DNAJC13: variants seen among roughly 807,000 people sequenced by gnomAD.
DNAJC13 encodes the protein dnaJ homolog subfamily C member 13.
Under a neutral mutation model 290.5 loss-of-function variants are expected in DNAJC13, and 75 were observed. The observed-to-expected ratio is 0.26, with a 90% CI of 0.21 to 0.31. DNAJC13 has a LOEUF of 0.31. Among genes scored for constraint, DNAJC13 ranks in the 10% least tolerant of loss-of-function variants. The probability of loss-of-function intolerance (pLI) is 1.00; values close to 1 mark genes in which losing one functional copy is unlikely to be tolerated. For synonymous variants in DNAJC13, 862 were observed against 892.0 expected, an observed-to-expected ratio of 0.97 and a Z score of 0.60; for missense variants, 2,260 against 2,674.5, an observed-to-expected ratio of 0.85 and a Z score of 3.42.
intron 55 of DNAJC13, among the ~76,000 whole-genome samples, chr3:132,537,845 A>G (rs1936642785): frequency 6.6e-6 from 1 of 152,064 alleles, no homozygotes; most frequent in Non-Finnish European, 1.5e-5. Flanking sequence ...GTCTGTTTCC[A>G]TTTTTTCCAT....
At chr3:132,455,852 A>G (rs1933580630) in intron 9 of DNAJC13, among the ~76,000 whole-genome samples, 1 of 152,178 alleles carries the variant, frequency 6.6e-6, no homozygotes, top group Admixed American at 6.5e-5. Context: ...GCACAAGGAA[A>G]TTTTTTGGAG....
At chr3:132,483,879 T>C (rs1934766841) in intron 28 of DNAJC13, among the ~76,000 whole-genome samples, 1 of 152,232 alleles carries the variant, frequency 6.6e-6, no homozygotes, top group Non-Finnish European at 1.5e-5. Flanking sequence ...CTGCAGTCCA[T>C]AGACAGTGGT....
Position 132,460,247 on chromosome 3 carries a change from T to A in DNAJC13, c.1450-3T>A. ...ATCACTGTTTTTTTTTTTTCATCAA[T>A]AGCCCATGCATGATGACTATGACTT... On this transcript the variant is annotated splice_region_variant and splice_polypyrimidine_tract_variant and intron_variant, in intron 13 of 55. Transcript: ENST00000260818. 6.5e-7 allele frequency: 1 copy of A among 1,544,024 alleles called. No homozygotes were observed. The highest frequency in any genetic ancestry group is 1.4e-5 in the African/African-American group (1 of 72,360).
Position 132,463,518 on chromosome 3 carries a change from A to T in DNAJC13, c.1771-178A>T, listed in dbSNP as rs534477124. ...ATCTCAACCTTATTCCAAAGGTTTAAAAATTACCTGTGCTACTACTCACCT... is the reference window on the plus strand; with the variant it reads ...ATCTCAACCTTATTCCAAAGGTTTATAAATTACCTGTGCTACTACTCACCT... On this transcript the variant is annotated intron_variant, in intron 16 of 55. Transcript: ENST00000260818. Among the ~76,000 whole-genome samples the T allele has an allele frequency of 1.1e-4, 17 of 152,310 alleles. No homozygotes were observed. The South Asian group carries it at 3.1e-3, about 28-fold the overall frequency.
intron 50 of DNAJC13, 140 bp from the exon 51 acceptor site, chr3:132,523,400 G>GA: frequency 8.1e-7 from 1 of 1,236,854 alleles, no homozygotes; most frequent in East Asian, 2.5e-5. Flanking sequence ...ACTTTATTAA[G>GA]AAAAAATAAA....
chr3:132,466,193 G>A (rs192218007), intron 18 of DNAJC13, 106 bp from the exon 19 acceptor site: 48 of 1,411,020 alleles, frequency 3.4e-5, no homozygotes, highest in African/African-American at 1.9e-4. Context: ...AGGAGTTACC[G>A]TAAAGTTTTA....
intron 54 of DNAJC13, among the ~76,000 whole-genome samples, chr3:132,529,676 A>C (rs947333805): frequency 2.0e-5 from 3 of 151,460 alleles, no homozygotes; most frequent in Non-Finnish European, 2.9e-5. Flanking sequence ...AGTCCCATCT[A>C]CTCGGGAGGC....
chr3:132,447,485 TG>T lies in DNAJC13; in HGVS notation c.294+16del, dbSNP rs1394609128. 1 of 1,543,384 alleles carries T rather than the reference TG, an allele frequency of 6.5e-7. No homozygotes were observed. Among genetic ancestry groups the T allele is most frequent in the African/African-American group, 1.4e-5 (1 of 70,364 alleles). ...CAGAAGCATTGGTAAGAAGATTCCA[TG>T]TTCATAAATAAAATTTCTTTCTTCT... On this transcript the variant is annotated intron_variant, in intron 4 of 55. Coordinates refer to ENST00000260818, the MANE Select transcript of DNAJC13 (RefSeq NM_015268.4).
chr3:132,436,225 T>C (rs1052210450), intron 2 of DNAJC13, among the ~76,000 whole-genome samples: 3 of 152,140 alleles, frequency 2.0e-5, no homozygotes, highest in Non-Finnish European at 4.4e-5. Context: ...ACTCCCTTTT[T>C]CCCCCTCTTT....
At chr3:132,480,308 GGGATAGGTTTTA>G in intron 25 of DNAJC13, 49 bp from the exon 26 acceptor site, 1 of 1,136,312 alleles carries the variant, frequency 8.8e-7, no homozygotes, top group South Asian at 1.3e-5. Flanking sequence ...AGGTACTATT[GGGATAGGTTTTA>G]GGTTATGAAA....
Position 132,511,120 on chromosome 3 carries a change from A to G in DNAJC13, c.5169A>G (p.Gln1723=), listed in dbSNP as rs1005284766. The change falls in exon 44 of 56, where the codon CAA becomes CAG. Residue 1723 remains glutamine (Q), a synonymous_variant. Transcript: ENST00000260818. The part of the protein sequence containing the change: ...SLLDYIGSQA[Q]YLHTFMAITH... The stretch of plus-strand genomic sequence containing the variant: ...TGGATTATATAGGCTCGCAGGCCCA[A>G]TACTTGCACACATTCATGGCCATCA... 1.2e-6 allele frequency: 2 copies of G among 1,614,048 alleles called. No individual in the cohort carries two copies. The highest frequency in any genetic ancestry group is 2.2e-5 in the East Asian group (1 of 44,882).
intron 42 of DNAJC13, among the ~76,000 whole-genome samples, chr3:132,506,045 C>CTTTTTTT (rs573857472): frequency 0.11 from 8,227 of 72,132 alleles, 1,434 homozygotes; most frequent in East Asian, 0.21. Flanking sequence ...TGTACATTAT[C>CTTTTTTT]TTTTTTTTTT....
rs1576522901 is a variant in DNAJC13, at chr3:132,527,028, G to A, written c.6381+747G>A. Reference sequence around the variant, plus strand: ...AAGAATAAGGCTTTTAAGATCTATTGTGCATTATGTTGACTATAGCTAATA... The same window carrying A: ...AAGAATAAGGCTTTTAAGATCTATTATGCATTATGTTGACTATAGCTAATA... On this transcript the variant is annotated intron_variant, in intron 53 of 55. Coordinates refer to ENST00000260818, the MANE Select transcript of DNAJC13 (RefSeq NM_015268.4). 4.6e-5 allele frequency among the ~76,000 whole-genome samples: 7 copies of A among 152,250 alleles called. 1 individual carries two copies. The highest frequency in any genetic ancestry group is 4.6e-4 in the Admixed American group (7 of 15,290).
intron 17 of DNAJC13, among the ~76,000 whole-genome samples, 155 bp from the exon 18 acceptor site, chr3:132,465,840 C>T (rs944481664): frequency 1.3e-5 from 2 of 151,930 alleles, no homozygotes; most frequent in South Asian, 4.1e-4. Flanking sequence ...TATAACTCTC[C>T]ACATTAAATT....
chr3:132,429,120 T>C (rs1939179327), intron 1 of DNAJC13, among the ~76,000 whole-genome samples: 1 of 152,256 alleles, frequency 6.6e-6, no homozygotes, highest in Non-Finnish European at 1.5e-5. Flanking sequence ...TGGAGACTTA[T>C]TTTTATTTCT....
chr3:132,420,107 C>CG (rs1241941775), intron 1 of DNAJC13, among the ~76,000 whole-genome samples: 1 of 152,224 alleles, frequency 6.6e-6, no homozygotes, highest in East Asian at 1.9e-4. Context: ...ATGTCAATTT[C>CG]TGTTTACCGT....
chr3:132,535,828 C>T (rs530069273), intron 55 of DNAJC13, among the ~76,000 whole-genome samples: 1 of 152,176 alleles, frequency 6.6e-6, no homozygotes, highest in African/African-American at 2.4e-5. Context: ...CTGCCCTATT[C>T]TGTGCAAATG....
intron 38 of DNAJC13, among the ~76,000 whole-genome samples, chr3:132,500,171 C>G (rs1935365172): frequency 6.6e-6 from 1 of 152,182 alleles, no homozygotes; most frequent in South Asian, 2.1e-4. Flanking sequence ...TCTCCTATCT[C>G]TAGTATTTTA....
rs1933603116 is a variant in DNAJC13 at position 132,456,507 on chromosome 3, A to G, written c.1106A>G (p.Asn369Ser). ...CCTCTTAATCTCTTTACAGATGGCA[A>G]CTTTGCAGATGCTGTATTCAGGTTC... ...LRFLATPPNGNFADAVFRFNA... is the reference protein window; with the variant it reads ...LRFLATPPNGSFADAVFRFNA... The change falls in exon 11 of 56, where the codon AAC becomes AGC. Residue 369 changes from asparagine (N) to serine (S), a missense_variant. Transcript: ENST00000260818. 4 of 1,613,898 alleles carry G rather than the reference A, an allele frequency of 2.5e-6. No homozygotes were observed. Among genetic ancestry groups the G allele is most frequent in the Non-Finnish European group, 3.4e-6 (4 of 1,179,892 alleles).
Sources: gnomAD v4.1 joint callset for allele counts (sites outside exome capture counted in the v4.1 genomes callset) on GRCh38, gnomAD v4.1.1 for gene constraint, MANE v1.5 for transcripts, NCBI Gene and HGNC (gene_info 2026-07-23, HGNC 2026-07-21) for gene names.